The following FANCL variants were observed in gnomAD, a reference collection of about 807,000 sequenced individuals.
FANCL encodes E3 ubiquitin-protein ligase FANCL.
Under a neutral mutation model 59.4 loss-of-function variants are expected in FANCL, and 69 were observed. That is an observed-to-expected ratio of 1.16 (90% CI 0.96 to 1.42). The LOEUF (loss-of-function observed/expected upper bound fraction) is 1.42. Among genes scored for constraint, FANCL ranks in the 40% most tolerant of loss-of-function variants. The probability of loss-of-function intolerance (pLI) is 0.00; values close to 1 mark genes in which losing one functional copy is unlikely to be tolerated. For missense variants in FANCL, 519 were observed against 447.2 expected (o/e 1.16, Z -1.45); for synonymous variants, 180 against 147.1 (o/e 1.22, Z -1.62).
chr2:58,183,341 A>G (rs1688106976), intron 7 of FANCL, among the ~76,000 whole-genome samples: 1 of 151,870 alleles, frequency 6.6e-6, no homozygotes, highest in Non-Finnish European at 1.5e-5. Context: ...AAAAAAATTA[A>G]GTATATGGGT....
chr2:58,162,366 C>A (rs1671570411), intron 11 of FANCL, among the ~76,000 whole-genome samples: 2 of 151,942 alleles, frequency 1.3e-5, no homozygotes, highest in Non-Finnish European at 1.5e-5. Context: ...TCATTAGCTA[C>A]TTTGGAGTTC....
chr2:58,179,860 A>G (rs1247902123), intron 7 of FANCL, among the ~76,000 whole-genome samples: 1 of 152,202 alleles, frequency 6.6e-6, no homozygotes, highest in Non-Finnish European at 1.5e-5. Flanking sequence ...CAGAATCTAC[A>G]AGGAACTTAA....
intron 5 of FANCL, among the ~76,000 whole-genome samples, chr2:58,210,920 G>A (rs147566894): frequency 1.1e-3 from 174 of 152,282 alleles, no homozygotes; most frequent in African/African-American, 4.1e-3. Context: ...TGCAGGGTAT[G>A]GCACCCCCAC....
intron 7 of FANCL, among the ~76,000 whole-genome samples, chr2:58,172,846 A>G (rs1686809260): frequency 6.6e-6 from 1 of 152,238 alleles, no homozygotes; most frequent in African/African-American, 2.4e-5. Flanking sequence ...TATGAGCTAC[A>G]GGAGGAAATT....
intron 7 of FANCL, among the ~76,000 whole-genome samples, chr2:58,172,054 C>A (rs1421189267): frequency 6.6e-6 from 1 of 152,242 alleles, no homozygotes; most frequent in East Asian, 1.9e-4. Context: ...GGGAGGGGCG[C>A]CCGCCATTGC....
chr2:58,221,203 A>C (rs895238112), intron 5 of FANCL, among the ~76,000 whole-genome samples: 1 of 152,042 alleles, frequency 6.6e-6, no homozygotes. Context: ...AAAAAAAGTG[A>C]TAAGAACTAA....
intron 7 of FANCL, among the ~76,000 whole-genome samples, chr2:58,193,298 A>G (rs1689110137): frequency 1.3e-5 from 2 of 152,100 alleles, no homozygotes; most frequent in South Asian, 4.1e-4. Context: ...CAATTATACA[A>G]TGACACCTCA....
At chr2:58,169,899 C>A (rs900738969) in intron 7 of FANCL, among the ~76,000 whole-genome samples, 3 of 152,024 alleles carry the variant, frequency 2.0e-5, no homozygotes, top group African/African-American at 7.2e-5. Flanking sequence ...AAATATCAGA[C>A]TATGTGAAAA....
chr2:58,173,441 G>C (rs1306425447), intron 7 of FANCL, among the ~76,000 whole-genome samples: 3 of 152,184 alleles, frequency 2.0e-5, no homozygotes, highest in Non-Finnish European at 4.4e-5. Flanking sequence ...TGATCTCTCA[G>C]CAGAAACTCT....
intron 2 of FANCL, among the ~76,000 whole-genome samples, chr2:58,231,511 C>G (rs527865062): frequency 2.0e-5 from 3 of 152,164 alleles, no homozygotes; most frequent in Non-Finnish European, 4.4e-5. Context: ...AAAATCCTCT[C>G]AATTCTACTC....
At chr2:58,169,738 C>T (rs947773243) in intron 7 of FANCL, among the ~76,000 whole-genome samples, 8 of 151,824 alleles carry the variant, frequency 5.3e-5, no homozygotes, top group African/African-American at 1.7e-4. Flanking sequence ...AAACACAGCA[C>T]GAGAACTTTG....
rs186225244 is a variant in FANCL at position 58,239,586 on chromosome 2, G to A, written c.96+1632C>T. 2.8e-3 allele frequency among the ~76,000 whole-genome samples: 419 copies of A among 152,292 alleles called. 3 individuals carry two copies. Among genetic ancestry groups the A allele is most frequent in the Non-Finnish European group, 4.3e-3 (290 of 68,008 alleles). On this transcript the variant is annotated intron_variant, in intron 1 of 13. Coordinates refer to ENST00000233741, the MANE Select transcript of FANCL (RefSeq NM_018062.4). The stretch of plus-strand genomic sequence containing the variant: ...TACAACTGTATCATAAACAAAATTT[G>A]AAATATGGACTCTATCTTAGATAAT...
intron 7 of FANCL, among the ~76,000 whole-genome samples, chr2:58,172,468 C>T (rs1356584451): frequency 6.6e-6 from 1 of 152,154 alleles, no homozygotes; most frequent in South Asian, 2.1e-4. Context: ...CTGCAGCCAC[C>T]GCTACTGGTA....
chr2:58,165,316 T>C (rs1308479302), intron 8 of FANCL, among the ~76,000 whole-genome samples: 1 of 152,206 alleles, frequency 6.6e-6, no homozygotes. Flanking sequence ...TTTATCTTCC[T>C]CTGTATTTCT....
chr2:58,202,850 A>G (rs1362585512), intron 6 of FANCL, among the ~76,000 whole-genome samples: 11 of 151,912 alleles, frequency 7.2e-5, no homozygotes, highest in Admixed American at 7.2e-4. Flanking sequence ...AGGAAGTAGA[A>G]GAGCTTGTAA....
chr2:58,207,288 C>T (rs1022654338), intron 5 of FANCL, among the ~76,000 whole-genome samples: 6 of 152,156 alleles, frequency 3.9e-5, no homozygotes, highest in African/African-American at 1.4e-4. Flanking sequence ...CAACACAACA[C>T]TCTGTGATGA....
intron 5 of FANCL, among the ~76,000 whole-genome samples, chr2:58,216,077 C>T (rs1444087179): frequency 6.6e-6 from 1 of 152,118 alleles, no homozygotes; most frequent in African/African-American, 2.4e-5. Context: ...GGACCCCAAA[C>T]TGTAATTGAG....
Position 58,215,598 on chromosome 2 carries a change from C to A in FANCL, c.374+6344G>T, listed in dbSNP as rs148926504. Among the ~76,000 whole-genome samples, 77 of 151,936 alleles carry A rather than the reference C, an allele frequency of 5.1e-4. No homozygotes were observed. In the East Asian group the frequency reaches 0.014, roughly 28 times the overall value. On this transcript the variant is annotated intron_variant, in intron 5 of 13. Transcript: ENST00000233741. ...GAAGAGGGAACAGAAGTGAAGTAAG[C>A]CAACATTCTGAAGCCATTTTCCTCA...
At chr2:58,169,030 G>A (rs1686254397) in intron 7 of FANCL, among the ~76,000 whole-genome samples, 1 of 152,176 alleles carries the variant, frequency 6.6e-6, no homozygotes, top group African/African-American at 2.4e-5. Flanking sequence ...AGCTTCAGCA[G>A]ACTTAAATGT....
Sources: allele counts gnomAD v4.1 joint callset (sites outside exome capture counted in the v4.1 genomes callset), GRCh38; gene constraint gnomAD v4.1.1; transcripts MANE v1.5; gene names NCBI Gene and HGNC (gene_info 2026-07-23, HGNC 2026-07-21).